Variants in PCDHA3 observed in about 807,000 individuals in gnomAD.
The protein encoded by PCDHA3 is protocadherin alpha 3.
A neutral mutation model predicts 62.2 loss-of-function variants in PCDHA3; 41 were observed. That is an observed-to-expected ratio of 0.66 (90% CI 0.51 to 0.86). PCDHA3 has a LOEUF of 0.86. PCDHA3 is among the 40% of genes least tolerant of loss of function. The pLI is 0.00. For synonymous variants in PCDHA3, 640 were observed against 555.4 expected, an observed-to-expected ratio of 1.15 and a Z score of -2.14; for missense variants, 1,304 against 1,241.2, an observed-to-expected ratio of 1.05 and a Z score of -0.76.
At chr5:140,976,208 A>G (rs2096706017) in intron 1 of PCDHA3, among the ~76,000 whole-genome samples, 1 of 152,202 alleles carries the variant, frequency 6.6e-6, no homozygotes, top group Non-Finnish European at 1.5e-5. Context: ...TCAGAAGTAA[A>G]AAAGAGAAAG....
Position 140,916,518 on chromosome 5 carries a change from T to A in PCDHA3, c.2395-62431T>A, listed in dbSNP as rs187386381. Among the ~76,000 whole-genome samples the A allele has an allele frequency of 2.6e-5, 4 of 152,306 alleles. No homozygotes were observed. The East Asian group carries it at 7.7e-4, about 29-fold the overall frequency. ...AGCAGGTGATTAATCTTGCCAAGACTGGGTCCTTCCCACCAAGGCAATGGG... is the reference window on the plus strand; with the variant it reads ...AGCAGGTGATTAATCTTGCCAAGACAGGGTCCTTCCCACCAAGGCAATGGG... On this transcript the variant is annotated intron_variant, in intron 1 of 3. Coordinates refer to ENST00000522353, the MANE Select transcript of PCDHA3 (RefSeq NM_018906.3).
rs141385563 is a variant in PCDHA3, at chr5:140,802,886, G to A, written c.1689G>A (p.Pro563=). 2.2e-4 allele frequency: 349 copies of A among 1,613,748 alleles called. No individual in the cohort carries two copies. Among genetic ancestry groups the A allele is most frequent in the Middle Eastern group, 8.3e-4 (5 of 6,058 alleles). ...TGCTGGACGAGAACGACAACGCGCCGGCACTGCTGATGCCTCGGGTGGGTG... is the reference window on the plus strand; with the variant it reads ...TGCTGGACGAGAACGACAACGCGCCAGCACTGCTGATGCCTCGGGTGGGTG... ...VFVLDENDNA[P]ALLMPRVGGI... Residue 563 remains proline (P), a synonymous_variant, in exon 1 of 4, where the codon CCG becomes CCA. Transcript: ENST00000522353.
chr5:140,992,789 T>G (rs2097528439), intron 3 of PCDHA3, among the ~76,000 whole-genome samples: 1 of 152,148 alleles, frequency 6.6e-6, no homozygotes, highest in Admixed American at 6.5e-5. Flanking sequence ...AGGGTCAATT[T>G]TATGGATCCA....
chr5:140,821,832 C>G (rs1364936196), intron 1 of PCDHA3: 1 of 1,614,038 alleles, frequency 6.2e-7, no homozygotes, highest in Non-Finnish European at 8.5e-7. Context: ...TCTGGCTTCT[C>G]CTTGCCTACT....
chr5:140,801,668 A>T lies in PCDHA3; in HGVS notation c.471A>T (p.Ala157=). 1 of 1,614,230 alleles carries T rather than the reference A, an allele frequency of 6.2e-7. No homozygotes were observed. Among genetic ancestry groups the T allele is most frequent in the Non-Finnish European group, 8.5e-7 (1 of 1,180,042 alleles). Residue 157 remains alanine, a synonymous_variant, in exon 1 of 4, where the codon GCA becomes GCT. Coordinates refer to ENST00000522353, the MANE Select transcript of PCDHA3 (RefSeq NM_018906.3). ...GCTCTCGGTTTTCGCTAGAGGGCGCATCAGATGCAGATATCGGAACAAATT... is the reference window on the plus strand; with the variant it reads ...GCTCTCGGTTTTCGCTAGAGGGCGCTTCAGATGCAGATATCGGAACAAATT... ...QPGSRFSLEG[A]SDADIGTNSL...
At chr5:140,952,088 A>G (rs2094684736) in intron 1 of PCDHA3, among the ~76,000 whole-genome samples, 1 of 152,154 alleles carries the variant, frequency 6.6e-6, no homozygotes, top group South Asian at 2.1e-4. Flanking sequence ...TCCATGTCTC[A>G]CATCCAGGGC....
At chr5:140,809,047 C>G (rs782636095) in intron 1 of PCDHA3, 15 of 1,613,918 alleles carry the variant, frequency 9.3e-6, no homozygotes, top group Non-Finnish European at 1.3e-5. Context: ...GCGCGCGCAT[C>G]CCGTTCCGCG....
intron 1 of PCDHA3, among the ~76,000 whole-genome samples, chr5:140,832,290 A>G (rs1433191230): frequency 6.6e-6 from 1 of 152,162 alleles, no homozygotes; most frequent in African/African-American, 2.4e-5. Context: ...TGAATGGTGT[A>G]TTTGCCCACA....
intron 1 of PCDHA3, chr5:140,834,791 A>G: frequency 6.2e-7 from 1 of 1,613,714 alleles, no homozygotes; most frequent in Non-Finnish European, 8.5e-7. Context: ...TCCCAGCGAC[A>G]CAAAGGAATC....
chr5:140,957,702 A>C (rs930331275), intron 1 of PCDHA3, among the ~76,000 whole-genome samples: 4 of 152,158 alleles, frequency 2.6e-5, no homozygotes, highest in Non-Finnish European at 5.9e-5. Context: ...AACATTATGT[A>C]GTTTTTATTA....
intron 1 of PCDHA3, chr5:140,822,858 C>A: frequency 6.2e-7 from 1 of 1,614,208 alleles, no homozygotes; most frequent in Non-Finnish European, 8.5e-7. Flanking sequence ...TCAAAGAGGA[C>A]GCTCCACTCA....
At chr5:140,993,364 T>G (rs1285844193) in intron 3 of PCDHA3, among the ~76,000 whole-genome samples, 1 of 151,930 alleles carries the variant, frequency 6.6e-6, no homozygotes, top group Non-Finnish European at 1.5e-5. Flanking sequence ...TCACAAAAAC[T>G]ACCTCCCAGC....
Position 140,808,861 on chromosome 5 carries a change from A to C in PCDHA3, c.2394+5270A>C, listed in dbSNP as rs782428956. 1.9e-6 allele frequency: 3 copies of C among 1,613,152 alleles called. No homozygotes were observed. The Admixed American group carries it at 5.0e-5, about 27-fold the overall frequency. On this transcript the variant is annotated intron_variant, in intron 1 of 3. Transcript: ENST00000522353. ...CGCTGCAGGTGTTCGTGCTGGACGA[A>C]AACGACAACGCGCCAGCACTGCTAG...
intron 1 of PCDHA3, chr5:140,867,978 C>T (rs1283630691): frequency 6.6e-6 from 1 of 152,064 alleles, no homozygotes; most frequent in East Asian, 1.9e-4. Flanking sequence ...CAACAAGAAA[C>T]AAACTATTTT....
chr5:140,933,567 A>G lies in PCDHA3; in HGVS notation c.2395-45382A>G, dbSNP rs146986632. ...AATATAAAATAAAAACCAATTAAGA[A>G]GTCTTAATAGTGGGTTTTTAGGTTG... On this transcript the variant is annotated intron_variant, in intron 1 of 3. Coordinates refer to ENST00000522353, the MANE Select transcript of PCDHA3 (RefSeq NM_018906.3). Among the ~76,000 whole-genome samples the G allele has an allele frequency of 5.4e-3, 827 of 152,184 alleles. 4 individuals are homozygous for G. Among genetic ancestry groups the G allele is most frequent in the African/African-American group, 0.019 (796 of 41,566 alleles).
At chr5:140,883,744 C>T (rs782708384) in intron 1 of PCDHA3, 1 of 1,613,374 alleles carries the variant, frequency 6.2e-7, no homozygotes, top group South Asian at 1.1e-5. Flanking sequence ...TGGTCTCCTA[C>T]TCGCTGGTGG....
intron 1 of PCDHA3, chr5:140,809,458 G>T (rs1764469357): frequency 6.2e-7 from 1 of 1,614,110 alleles, no homozygotes; most frequent in Non-Finnish European, 8.5e-7. Flanking sequence ...GGAGGCCGAG[G>T]GTGTGCTCTG....
At chr5:140,859,474 T>A (rs1282422046) in intron 1 of PCDHA3, 1 of 210,268 alleles carries the variant, frequency 4.8e-6, no homozygotes, top group East Asian at 1.7e-4. Flanking sequence ...CTATCAATTG[T>A]GTTTTCCTGA....
intron 1 of PCDHA3, among the ~76,000 whole-genome samples, chr5:140,924,841 G>C (rs891279703): frequency 1.1e-4 from 17 of 151,378 alleles, no homozygotes; most frequent in South Asian, 2.1e-4. Context: ...GTTGCAGGGA[G>C]CTCAGATCGT....
Sources: gnomAD v4.1 joint callset for allele counts (sites outside exome capture counted in the v4.1 genomes callset) on GRCh38, gnomAD v4.1.1 for gene constraint, MANE v1.5 for transcripts, NCBI Gene and HGNC (gene_info 2026-07-23, HGNC 2026-07-21) for gene names.